Variants in MAP1B observed in about 807,000 individuals in gnomAD.
MAP1B encodes microtubule associated protein 1B, also known as microtubule-associated protein 1B.
A neutral mutation model predicts 176.1 loss-of-function variants in MAP1B; 12 were observed. That is an observed-to-expected ratio of 0.07 (90% CI 0.04 to 0.11). The LOEUF (loss-of-function observed/expected upper bound fraction) is 0.11. Ranked by LOEUF, MAP1B falls within the 10% of genes least tolerant of loss-of-function variation. The pLI is 1.00. For missense variants in MAP1B, 2,523 were observed against 2,990.5 expected (o/e 0.84, Z 3.65); for synonymous variants, 1,044 against 1,135.0 (o/e 0.92, Z 1.61).
At chr5:72,142,507 C>G (rs904895378) in intron 2 of MAP1B, among the ~76,000 whole-genome samples, 1 of 152,116 alleles carries the variant, frequency 6.6e-6, no homozygotes, top group Admixed American at 6.5e-5. Flanking sequence ...GAGACCGGAG[C>G]TCGCTGAGGA....
Position 72,195,728 on chromosome 5 carries a change from C to A in MAP1B, c.2373C>A (p.Ala791=). 6.2e-7 allele frequency: 1 copy of A among 1,614,204 alleles called. No individual in the cohort carries two copies. The change falls in exon 5 of 7, where the codon GCC becomes GCA. Residue 791 remains alanine (A), a synonymous_variant. Coordinates refer to ENST00000296755, the MANE Select transcript of MAP1B (RefSeq NM_005909.5). ...KIKVIKKEGK[A]AEAVAAAVGT... ...AAGTCATTAAGAAGGAAGGCAAGGC[C>A]GCAGAGGCTGTCGCTGCAGCTGTCG...
rs764989542 is a variant in MAP1B, at chr5:72,203,663, T to C, written c.7113T>C (p.Asn2371=). The change falls in exon 6 of 7, where the codon AAT becomes AAC. Residue 2371 remains asparagine, a synonymous_variant. Transcript: ENST00000296755. ...CYIPNHSNSK[N]VDVEFFKRVR... ...TTCCTAACCACAGCAATAGTAAGAATGTTGATGTGGAATTTTTCAAGAGAG... is the reference window on the plus strand; with the variant it reads ...TTCCTAACCACAGCAATAGTAAGAACGTTGATGTGGAATTTTTCAAGAGAG... The C allele has an allele frequency of 6.2e-7, 1 of 1,614,138 alleles. No individual in the cohort carries two copies. Among genetic ancestry groups the C allele is most frequent in the Admixed American group, 1.7e-5 (1 of 60,022 alleles).
chr5:72,161,907 A>C (rs1480529653), intron 2 of MAP1B, among the ~76,000 whole-genome samples: 1 of 145,874 alleles, frequency 6.9e-6, no homozygotes, highest in Non-Finnish European at 1.5e-5. Flanking sequence ...CAGTGAGCCG[A>C]GATCGCGCCA....
chr5:72,152,421 G>A (rs187947670), intron 2 of MAP1B, among the ~76,000 whole-genome samples: 1 of 152,192 alleles, frequency 6.6e-6, no homozygotes, highest in East Asian at 1.9e-4. Context: ...AATAAAGAAA[G>A]CATTTGGAAA....
intron 2 of MAP1B, among the ~76,000 whole-genome samples, chr5:72,146,936 G>A (rs1366638413): frequency 1.3e-5 from 2 of 150,816 alleles, no homozygotes; most frequent in Non-Finnish European, 3.0e-5. Context: ...ACGTCTGATG[G>A]AAAAATACAT....
intron 2 of MAP1B, among the ~76,000 whole-genome samples, chr5:72,169,915 T>G (rs1167503196): frequency 1.3e-5 from 2 of 152,202 alleles, no homozygotes; most frequent in Non-Finnish European, 2.9e-5. Context: ...AAATATGAGC[T>G]GAACATGTAA....
At chr5:72,124,045 T>C (rs115763268) in intron 2 of MAP1B, among the ~76,000 whole-genome samples, 3 of 152,274 alleles carry the variant, frequency 2.0e-5, no homozygotes, top group Non-Finnish European at 4.4e-5. Context: ...ATAATAAGCA[T>C]TGCATTTTGA....
At chr5:72,130,810 C>G (rs1745716609) in intron 2 of MAP1B, among the ~76,000 whole-genome samples, 1 of 152,190 alleles carries the variant, frequency 6.6e-6, no homozygotes, top group East Asian at 1.9e-4. Flanking sequence ...CTCTAAGGTC[C>G]TATTTATGTT....
At chr5:72,140,049 C>T (rs1357766559) in intron 2 of MAP1B, among the ~76,000 whole-genome samples, 2 of 152,088 alleles carry the variant, frequency 1.3e-5, no homozygotes, top group African/African-American at 4.8e-5. Flanking sequence ...GCAACCTCCG[C>T]CTCCAGAGGC....
At chr5:72,157,954 C>T (rs1746255586) in intron 2 of MAP1B, among the ~76,000 whole-genome samples, 1 of 151,838 alleles carries the variant, frequency 6.6e-6, no homozygotes, top group African/African-American at 2.4e-5. Flanking sequence ...ATTCTCCTGC[C>T]TCAGCCTCCC....
At position 72,196,624 on chromosome 5, in the gene MAP1B, T is replaced by C. The variant is rs1285846567; in HGVS notation, c.3269T>C (p.Leu1090Ser). 3 of 1,613,898 alleles carry C rather than the reference T, an allele frequency of 1.9e-6. No homozygotes were observed. Among genetic ancestry groups the C allele is most frequent in the Non-Finnish European group, 2.5e-6 (3 of 1,180,032 alleles). ...GCATCTTCAATTCATGATGAGACTT[T>C]ACCTGGAGGCTCAGAGAGCGAGGCC... ...EPASSIHDET[L>S]PGGSESEATA... Residue 1090 changes from leucine to serine, a missense_variant, in exon 5 of 7, where the codon TTA becomes TCA. Coordinates refer to ENST00000296755, the MANE Select transcript of MAP1B (RefSeq NM_005909.5). This position sits in a 1 kb window ranked among gnomAD's most constrained non-coding sequence, Gnocchi z 5.3.
At chr5:72,132,803 A>T (rs1434328876) in intron 2 of MAP1B, among the ~76,000 whole-genome samples, 2 of 152,114 alleles carry the variant, frequency 1.3e-5, no homozygotes, top group Non-Finnish European at 2.9e-5. Flanking sequence ...TATTTTTTCC[A>T]CCAAATCTCA....
At chr5:72,175,843 C>G (rs1458777700) in intron 2 of MAP1B, among the ~76,000 whole-genome samples, 1 of 152,180 alleles carries the variant, frequency 6.6e-6, no homozygotes, top group Admixed American at 6.5e-5. Flanking sequence ...TAGGTAATAA[C>G]TAAATTCCCT....
At chr5:72,108,298 CT>C (rs1393532831) in intron 1 of MAP1B, among the ~76,000 whole-genome samples, 8 of 152,238 alleles carry the variant, frequency 5.3e-5, no homozygotes, top group Non-Finnish European at 7.3e-5. Context: ...CCGCCCCCCC[CT>C]CCCCGGGGAG....
rs992885838 is a variant in MAP1B at position 72,207,216 on chromosome 5, C to A, written c.*1977C>A. 4.6e-5 allele frequency: 7 copies of A among 152,184 alleles called. No homozygotes were observed. The highest frequency in any genetic ancestry group is 7.2e-5 in the African/African-American group (3 of 41,442). The allele number at this position is 152,184 out of a possible 1,614,324, so 9.4% of individuals were successfully genotyped here. ...GCACCCAGTGTTCAGATGAGGCAAA[C>A]TTCTCCGTGACAACTGTGCTGTGCT... On this transcript the variant is annotated 3_prime_UTR_variant, in exon 7 of 7. Coordinates refer to ENST00000296755, the MANE Select transcript of MAP1B (RefSeq NM_005909.5).
intron 2 of MAP1B, among the ~76,000 whole-genome samples, chr5:72,160,700 GA>G (rs1210712673): frequency 6.6e-6 from 1 of 152,166 alleles, no homozygotes; most frequent in East Asian, 1.9e-4. Flanking sequence ...ATTAGTCTTT[GA>G]AATCTCCTAA....
Position 72,196,448 on chromosome 5 carries a change from G to A in MAP1B, c.3093G>A (p.Glu1031=). 2 of 1,613,866 alleles carry A rather than the reference G, an allele frequency of 1.2e-6. No individual in the cohort carries two copies. The highest frequency in any genetic ancestry group is 1.7e-6 in the Non-Finnish European group (2 of 1,180,026). Residue 1031 remains glutamate, a synonymous_variant, in exon 5 of 7, where the codon GAG becomes GAA. Transcript: ENST00000296755. This position sits in a 1 kb window ranked among gnomAD's most constrained non-coding sequence, Gnocchi z 5.3. ...DEEDKAEDAR[E]EEYEPEKMEA... is the part of the protein sequence containing the mutation. The stretch of plus-strand genomic sequence containing the variant: ...AGGACAAAGCTGAAGATGCCAGAGA[G>A]GAGGAATATGAGCCGGAAAAAATGG...
At chr5:72,202,673 T>G (rs1561319542) in intron 5 of MAP1B, among the ~76,000 whole-genome samples, 1 of 152,212 alleles carries the variant, frequency 6.6e-6, no homozygotes, top group African/African-American at 2.4e-5. Flanking sequence ...CTCTAGAGAA[T>G]GAGGCCTGGG....
chr5:72,158,313 C>G (rs1454998320), intron 2 of MAP1B, among the ~76,000 whole-genome samples: 1 of 152,022 alleles, frequency 6.6e-6, no homozygotes, highest in Non-Finnish European at 1.5e-5. Flanking sequence ...TGGCCTATCC[C>G]CCGATTCTTA....
Sources: allele counts gnomAD v4.1 joint callset (sites outside exome capture counted in the v4.1 genomes callset), GRCh38; gene constraint gnomAD v4.1.1; non-coding constraint Gnocchi (gnomAD v3.1); transcripts MANE v1.5; gene names NCBI Gene and HGNC (gene_info 2026-07-23, HGNC 2026-07-21).